The following ASIC2 variants were observed in gnomAD, a reference collection of about 807,000 sequenced individuals.
ASIC2 encodes the protein acid sensing ion channel subunit 2.
A neutral mutation model predicts 57.3 loss-of-function variants in ASIC2; 25 were observed. The ratio of observed to expected loss-of-function variants is 0.44; its 90% confidence interval spans 0.32 to 0.61. The LOEUF (loss-of-function observed/expected upper bound fraction) is 0.61. Among genes scored for constraint, ASIC2 ranks in the 20% least tolerant of loss-of-function variants. The pLI, the probability that ASIC2 is intolerant of heterozygous loss-of-function variation, is 0.06. For missense variants in ASIC2, 641 were observed against 738.1 expected, an observed-to-expected ratio of 0.87 and a Z score of 1.52; for synonymous variants, 319 against 307.5, an observed-to-expected ratio of 1.04 and a Z score of -0.39.
intron 1 of ASIC2, among the ~76,000 whole-genome samples, chr17:33,526,916 A>G (rs1169887050): frequency 2.0e-5 from 3 of 152,254 alleles, no homozygotes; most frequent in Non-Finnish European, 2.9e-5. Flanking sequence ...AAACACAGGC[A>G]GATTCCTCAT....
chr17:33,853,249 T>C (rs1913823750), intron 1 of ASIC2, among the ~76,000 whole-genome samples: 1 of 151,972 alleles, frequency 6.6e-6, no homozygotes, highest in Non-Finnish European at 1.5e-5. Flanking sequence ...GAGGTGGGGA[T>C]GGTAGTAGAG....
At chr17:33,712,022 C>T (rs1307558105) in intron 1 of ASIC2, among the ~76,000 whole-genome samples, 3 of 152,212 alleles carry the variant, frequency 2.0e-5, no homozygotes, top group Admixed American at 2.0e-4. Flanking sequence ...CATCATCCCC[C>T]TTTTCTCCAT....
chr17:33,857,656 G>C (rs1268781406), intron 1 of ASIC2, among the ~76,000 whole-genome samples: 1 of 152,162 alleles, frequency 6.6e-6, no homozygotes, highest in Non-Finnish European at 1.5e-5. Context: ...TGAACTGTTC[G>C]AGGCGCTGAG....
chr17:33,489,950 TA>T (rs1913700400), intron 1 of ASIC2, among the ~76,000 whole-genome samples: 2 of 152,222 alleles, frequency 1.3e-5, no homozygotes, highest in African/African-American at 4.8e-5. Context: ...TCCACGATCT[TA>T]ACTGAACTAC....
chr17:33,456,926 A>C (rs1912471619), intron 1 of ASIC2, among the ~76,000 whole-genome samples: 1 of 152,214 alleles, frequency 6.6e-6, no homozygotes, highest in Non-Finnish European at 1.5e-5. Context: ...AATGTGGCAA[A>C]GTGTCTAAAT....
At chr17:33,814,036 A>G (rs1196013304) in intron 1 of ASIC2, among the ~76,000 whole-genome samples, 1 of 152,072 alleles carries the variant, frequency 6.6e-6, no homozygotes, top group Non-Finnish European at 1.5e-5. Flanking sequence ...CACAGAGCAT[A>G]CTGCAGGGGG....
intron 1 of ASIC2, among the ~76,000 whole-genome samples, chr17:33,371,049 T>G (rs1909042285): frequency 6.6e-6 from 1 of 152,204 alleles, no homozygotes; most frequent in Admixed American, 6.5e-5. Context: ...CATGGGGAGA[T>G]GTGCTTTGCT....
intron 1 of ASIC2, among the ~76,000 whole-genome samples, chr17:33,374,271 A>C (rs1196061254): frequency 2.0e-5 from 3 of 152,164 alleles, no homozygotes. Context: ...TGCTGGGATT[A>C]CAGGTGTGAG....
intron 1 of ASIC2, among the ~76,000 whole-genome samples, chr17:33,214,303 C>T (rs1907391974): frequency 6.6e-6 from 1 of 152,124 alleles, no homozygotes; most frequent in Admixed American, 6.5e-5. Flanking sequence ...CCCCAAGATG[C>T]TCCTCTTTTT....
intron 2 of ASIC2, among the ~76,000 whole-genome samples, chr17:33,102,242 T>A (rs995251218): frequency 5.3e-5 from 8 of 152,348 alleles, no homozygotes; most frequent in African/African-American, 1.9e-4. Flanking sequence ...GTTTGCTGGA[T>A]ATAGAATTCT....
chr17:33,363,748 G>T (rs1343918880), intron 1 of ASIC2, among the ~76,000 whole-genome samples: 1 of 152,204 alleles, frequency 6.6e-6, no homozygotes, highest in Non-Finnish European at 1.5e-5. Context: ...AGCAGTGGTG[G>T]CTACTCTCTA....
At chr17:33,871,646 C>T (rs1914412995) in intron 1 of ASIC2, among the ~76,000 whole-genome samples, 1 of 152,160 alleles carries the variant, frequency 6.6e-6, no homozygotes, top group Non-Finnish European at 1.5e-5. Context: ...CTCAGGGCAG[C>T]CTCCTTAGTA....
intron 1 of ASIC2, among the ~76,000 whole-genome samples, chr17:34,142,248 C>T (rs917309991): frequency 6.6e-6 from 1 of 152,158 alleles, no homozygotes; most frequent in Non-Finnish European, 1.5e-5. Context: ...CCCAATCACT[C>T]CTGCTCCAAG....
intron 1 of ASIC2, among the ~76,000 whole-genome samples, chr17:33,608,022 G>A (rs1905271876): frequency 6.6e-6 from 1 of 152,118 alleles, no homozygotes; most frequent in African/African-American, 2.4e-5. Context: ...CTTACTCCAT[G>A]CAACCTAACG....
At chr17:33,988,575 C>T (rs897750012) in intron 1 of ASIC2, among the ~76,000 whole-genome samples, 3 of 152,124 alleles carry the variant, frequency 2.0e-5, no homozygotes, top group African/African-American at 7.2e-5. Flanking sequence ...AATACATCGA[C>T]CCTTAGCAGA....
At chr17:33,053,755 G>A (rs778139504) in intron 3 of ASIC2, among the ~76,000 whole-genome samples, 4 of 152,034 alleles carry the variant, frequency 2.6e-5, no homozygotes, top group Admixed American at 6.5e-5. Flanking sequence ...AAACCATCAG[G>A]CTCTTGTAGC....
chr17:33,839,067 G>C (rs1269484258), intron 1 of ASIC2, among the ~76,000 whole-genome samples: 1 of 152,210 alleles, frequency 6.6e-6, no homozygotes, highest in African/African-American at 2.4e-5. Flanking sequence ...AGATGCAATT[G>C]ATTCTGTATA....
intron 1 of ASIC2, among the ~76,000 whole-genome samples, chr17:33,551,614 G>C (rs1915754657): frequency 6.6e-6 from 1 of 152,164 alleles, no homozygotes; most frequent in Non-Finnish European, 1.5e-5. Flanking sequence ...TCTTCTCCTT[G>C]TGAATAATTA....
At chr17:33,193,354 A>T (rs1241590086) in intron 1 of ASIC2, among the ~76,000 whole-genome samples, 2 of 152,184 alleles carry the variant, frequency 1.3e-5, no homozygotes, top group Non-Finnish European at 2.9e-5. Flanking sequence ...CTGAATAAAG[A>T]ATGTGGAAAG....
Sources: allele counts gnomAD v4.1 joint callset (sites outside exome capture counted in the v4.1 genomes callset), GRCh38; gene constraint gnomAD v4.1.1; transcripts MANE v1.5; gene names NCBI Gene and HGNC (gene_info 2026-07-23, HGNC 2026-07-21).